Variants in FRMD3 observed in about 807,000 individuals in gnomAD.
FRMD3 encodes FERM domain containing 3, also known as FERM domain-containing protein 3.
FRMD3 carries 33 observed loss-of-function variants against 70.2 expected under a neutral mutation model. The observed-to-expected ratio is 0.47, with a 90% confidence interval of 0.36 to 0.63. The LOEUF (loss-of-function observed/expected upper bound fraction) is 0.63, where lower values mean the gene tolerates loss of function less well. Ranked by LOEUF, FRMD3 falls within the 20% of genes least tolerant of loss-of-function variation. The pLI is 0.00. For missense variants in FRMD3, 632 were observed against 711.4 expected, an observed-to-expected ratio of 0.89 and a Z score of 1.27; for synonymous variants, 279 against 255.9, an observed-to-expected ratio of 1.09 and a Z score of -0.86.
chr9:83,306,394 C>T (rs1470098682), intron 10 of FRMD3, among the ~76,000 whole-genome samples: 1 of 152,124 alleles, frequency 6.6e-6, no homozygotes, highest in African/African-American at 2.4e-5. Context: ...CCTCCTGGTC[C>T]CTTATCACCT....
At chr9:83,506,005 C>G (rs1829173567) in intron 1 of FRMD3, among the ~76,000 whole-genome samples, 1 of 152,130 alleles carries the variant, frequency 6.6e-6, no homozygotes, top group Non-Finnish European at 1.5e-5. Context: ...GCAAACTGCA[C>G]CAACGCCCCA....
chr9:83,321,537 A>G (rs1378775979), intron 6 of FRMD3, among the ~76,000 whole-genome samples: 1 of 152,150 alleles, frequency 6.6e-6, no homozygotes, highest in Non-Finnish European at 1.5e-5. Flanking sequence ...GTGGTCTGGG[A>G]AGATATTTAA....
intron 1 of FRMD3, among the ~76,000 whole-genome samples, chr9:83,458,000 C>CAAAAAAAA (rs10555580): frequency 1.1e-5 from 1 of 87,952 alleles, no homozygotes; most frequent in African/African-American, 4.5e-5. Flanking sequence ...TATTACCTCT[C>CAAAAAAAA]AAAAAAAAAA....
At chr9:83,442,254 C>CTTTT (rs57472225) in intron 1 of FRMD3, among the ~76,000 whole-genome samples, 1 of 121,546 alleles carries the variant, frequency 8.2e-6, no homozygotes, top group Admixed American at 8.4e-5. Context: ...TTATACAGAT[C>CTTTT]TTTTTTTTTT....
intron 13 of FRMD3, among the ~76,000 whole-genome samples, chr9:83,289,255 T>G (rs1034754005): frequency 6.6e-6 from 1 of 152,238 alleles, no homozygotes; most frequent in Non-Finnish European, 1.5e-5. Flanking sequence ...CAGAGGCCCT[T>G]AGGCTAAGGA....
chr9:83,311,266 C>A (rs1348388307), intron 8 of FRMD3, among the ~76,000 whole-genome samples: 1 of 147,464 alleles, frequency 6.8e-6, no homozygotes, highest in East Asian at 2.0e-4. Flanking sequence ...AGGACCAATG[C>A]GCCTGACTGA....
chr9:83,445,341 AATAGATAGATAGATAG>A (rs56369819), intron 1 of FRMD3, among the ~76,000 whole-genome samples: 1 of 146,542 alleles, frequency 6.8e-6, no homozygotes, highest in Non-Finnish European at 1.5e-5. Context: ...CTCAAAAATA[AATAGATAGATAGATAG>A]ATAGATAGAT....
intron 2 of FRMD3, among the ~76,000 whole-genome samples, chr9:83,382,435 T>A (rs1333455095): frequency 2.0e-5 from 3 of 152,208 alleles, no homozygotes; most frequent in African/African-American, 7.2e-5. Context: ...TTTAAAAAAA[T>A]TATATTGCAT....
chr9:83,257,369 C>T (rs1374953236), intron 13 of FRMD3, among the ~76,000 whole-genome samples: 4 of 152,012 alleles, frequency 2.6e-5, no homozygotes, highest in East Asian at 1.9e-4. Flanking sequence ...TGGGGCCTGT[C>T]GGCAGGGGGT....
chr9:83,312,713 A>G (rs1207516397), intron 7 of FRMD3, among the ~76,000 whole-genome samples: 1 of 152,118 alleles, frequency 6.6e-6, no homozygotes, highest in Non-Finnish European at 1.5e-5. Flanking sequence ...CATTGGAAAC[A>G]CCTGGGTAGC....
chr9:83,261,979 G>T (rs751794702), intron 13 of FRMD3, among the ~76,000 whole-genome samples: 3 of 152,152 alleles, frequency 2.0e-5, no homozygotes, highest in Non-Finnish European at 2.9e-5. Flanking sequence ...CATGCAAAGT[G>T]CCTGACACTG....
intron 13 of FRMD3, among the ~76,000 whole-genome samples, chr9:83,275,268 T>C (rs1163789774): frequency 2.0e-5 from 3 of 152,270 alleles, no homozygotes; most frequent in Admixed American, 2.0e-4. Flanking sequence ...GACTTCCTTC[T>C]CTCCACTTCT....
chr9:83,470,252 C>G (rs1449982115), intron 1 of FRMD3, among the ~76,000 whole-genome samples: 2 of 152,168 alleles, frequency 1.3e-5, no homozygotes, highest in African/African-American at 4.8e-5. Context: ...GGTTCTGGAC[C>G]TCACCCCACT....
chr9:83,564,611 A>G, the FRMD3 span, among the ~76,000 whole-genome samples: 4 of 151,926 alleles, frequency 2.6e-5, no homozygotes, highest in African/African-American at 9.7e-5. Flanking sequence ...GTCTGCTTCA[A>G]TGATCCAAAT....
chr9:83,507,704 A>T, intron 1 of FRMD3, among the ~76,000 whole-genome samples: 1 of 75,640 alleles, frequency 1.3e-5, no homozygotes, highest in South Asian at 4.6e-4. Flanking sequence ...ATATATATAT[A>T]TATATATATA....
chr9:83,515,029 A>G (rs974320916), intron 1 of FRMD3, among the ~76,000 whole-genome samples: 2 of 152,242 alleles, frequency 1.3e-5, no homozygotes, highest in Admixed American at 1.3e-4. Flanking sequence ...AAAAAGGCTG[A>G]AAGTTCCAAA....
chr9:83,394,365 T>A (rs1253713869), intron 1 of FRMD3, among the ~76,000 whole-genome samples: 1 of 152,172 alleles, frequency 6.6e-6, no homozygotes, highest in African/African-American at 2.4e-5. Flanking sequence ...AACAATCACA[T>A]GTCTGATTAG....
chr9:83,350,648 A>G (rs1824123033), intron 3 of FRMD3: 1 of 513,052 alleles, frequency 1.9e-6, no homozygotes, highest in Non-Finnish European at 2.5e-6. Flanking sequence ...AGAAAGAAAG[A>G]AAAAGAAAAA....
chr9:83,247,733 A>G lies in FRMD3; in HGVS notation c.*185T>C. ...ATCTTCCTAACCTGTAACTAAAATA[A>G]CTGTATTTGATTTAAACTTATTTAA... On this transcript the variant is annotated 3_prime_UTR_variant, in exon 14 of 14. Coordinates refer to ENST00000304195, the MANE Select transcript of FRMD3 (RefSeq NM_174938.6). The G allele has an allele frequency of 7.0e-7, 1 of 1,438,478 alleles. No individual in the cohort carries two copies. The highest frequency in any genetic ancestry group is 9.1e-7 in the Non-Finnish European group (1 of 1,096,940). The allele number at this position is 1,438,478 out of a possible 1,614,324, so 89.1% of individuals were successfully genotyped here. A position where few individuals can be genotyped will look rare whatever the true frequency, so the allele number is the denominator to read the frequency against.
Sources: gnomAD v4.1 joint callset for allele counts (sites outside exome capture counted in the v4.1 genomes callset) on GRCh38, gnomAD v4.1.1 for gene constraint, MANE v1.5 for transcripts, NCBI Gene and HGNC (gene_info 2026-07-23, HGNC 2026-07-21) for gene names.